Variants in TNFAIP8 observed in about 807,000 individuals in gnomAD.
TNFAIP8 encodes tumor necrosis factor alpha-induced protein 8.
Under a neutral mutation model 13.3 loss-of-function variants are expected in TNFAIP8, and 7 were observed. The ratio of observed to expected loss-of-function variants is 0.52; its 90% CI spans 0.30 to 0.99. The LOEUF is 0.99. TNFAIP8 is among the 50% of genes least tolerant of loss of function. The probability of loss-of-function intolerance (pLI) is 0.07; values close to 1 mark genes in which losing one functional copy is unlikely to be tolerated. For synonymous variants in TNFAIP8, 94 were observed against 87.6 expected (o/e 1.07, Z -0.41); for missense variants, 258 against 236.9 (o/e 1.09, Z -0.58).
intron 1 of TNFAIP8, among the ~76,000 whole-genome samples, chr5:119,322,702 A>G (rs1055205915): frequency 3.9e-5 from 6 of 152,018 alleles, no homozygotes; most frequent in Non-Finnish European, 2.9e-5. Context: ...CTCTTTGTCC[A>G]ATATCAAAAC....
At position 119,398,101 on chromosome 5, in the gene TNFAIP8, A is replaced by C. The variant is rs1307516186; in HGVS notation, c.*4720A>C. On this transcript the variant is annotated 3_prime_UTR_variant, in exon 2 of 2. Coordinates refer to ENST00000504771, the MANE Select transcript of TNFAIP8 (RefSeq NM_014350.4). The stretch of plus-strand genomic sequence containing the variant: ...GGATAGAGAATTGTGCCCTATGTCC[A>C]CCAAATTTGCATGAGATCTTTATAA... The C allele has an allele frequency of 6.6e-6, 1 of 152,176 alleles. No homozygotes were observed. The highest frequency in any genetic ancestry group is 6.5e-5 in the Admixed American group (1 of 15,282). 9.4% of individuals were successfully genotyped at this position (152,176 alleles called of 1,614,324 possible). A position where few individuals can be genotyped will look rare whatever the true frequency, so the allele number is the denominator to read the frequency against.
chr5:119,338,203 CACACACA>C (rs1562006794), intron 1 of TNFAIP8, among the ~76,000 whole-genome samples: 92 of 149,244 alleles, frequency 6.2e-4, no homozygotes, highest in African/African-American at 2.2e-3. Context: ...CACACACACA[CACACACA>C]CCTTCTCAGC....
At chr5:119,373,761 A>G (rs1752175577) in intron 1 of TNFAIP8, among the ~76,000 whole-genome samples, 1 of 152,200 alleles carries the variant, frequency 6.6e-6, no homozygotes, top group Non-Finnish European at 1.5e-5. Flanking sequence ...GTATTAAATC[A>G]TCTTCAGTCA....
At chr5:119,372,628 T>C (rs542082144) in intron 1 of TNFAIP8, among the ~76,000 whole-genome samples, 144 of 152,318 alleles carry the variant, frequency 9.5e-4, no homozygotes, top group Non-Finnish European at 1.5e-3. Context: ...AAAATACAAG[T>C]TGACCATCAT....
At chr5:119,386,743 T>C (rs1752692033) in intron 1 of TNFAIP8, among the ~76,000 whole-genome samples, 1 of 152,168 alleles carries the variant, frequency 6.6e-6, no homozygotes, top group South Asian at 2.1e-4. Context: ...CCGTATCAGG[T>C]TAAGGACTTC....
chr5:119,342,209 C>T (rs1750760790), intron 1 of TNFAIP8, among the ~76,000 whole-genome samples: 2 of 152,190 alleles, frequency 1.3e-5, no homozygotes, highest in Admixed American at 1.3e-4. Context: ...ATAGTATTTC[C>T]TGTACTGCTA....
At chr5:119,359,865 G>A (rs559985640) in intron 1 of TNFAIP8, among the ~76,000 whole-genome samples, 1 of 152,346 alleles carries the variant, frequency 6.6e-6, no homozygotes, top group African/African-American at 2.4e-5. Flanking sequence ...AAAAGGTACA[G>A]CATATGCTCT....
At chr5:119,379,723 T>C (rs1341099580) in intron 1 of TNFAIP8, among the ~76,000 whole-genome samples, 2 of 152,156 alleles carry the variant, frequency 1.3e-5, no homozygotes, top group South Asian at 2.1e-4. Context: ...CTTGAGTAGC[T>C]GGGACCATAA....
chr5:119,286,738 C>A (rs1203847161), intron 1 of TNFAIP8, among the ~76,000 whole-genome samples: 3 of 152,160 alleles, frequency 2.0e-5, no homozygotes, highest in African/African-American at 7.2e-5. Flanking sequence ...CTGCCATGCC[C>A]CAGTCACAGT....
At chr5:119,364,693 G>A (rs1751764602) in intron 1 of TNFAIP8, among the ~76,000 whole-genome samples, 1 of 151,886 alleles carries the variant, frequency 6.6e-6, no homozygotes, top group Admixed American at 6.6e-5. Flanking sequence ...GAGAGCTCTA[G>A]CCAGGAGCTA....
At chr5:119,311,521 C>G (rs1056860527) in intron 1 of TNFAIP8, among the ~76,000 whole-genome samples, 3 of 151,578 alleles carry the variant, frequency 2.0e-5, no homozygotes, top group African/African-American at 7.3e-5. Flanking sequence ...GAAACCCCGT[C>G]TCTACTAAAA....
chr5:119,380,235 A>G (rs1047677391), intron 1 of TNFAIP8, among the ~76,000 whole-genome samples: 7 of 152,148 alleles, frequency 4.6e-5, no homozygotes, highest in Non-Finnish European at 8.8e-5. Context: ...GTAGAGTACT[A>G]TACAAAAATC....
chr5:119,363,858 C>G (rs1299572959), intron 1 of TNFAIP8, among the ~76,000 whole-genome samples: 1 of 152,192 alleles, frequency 6.6e-6, no homozygotes, highest in East Asian at 1.9e-4. Context: ...TACTTTTGAC[C>G]AACTGGGTAT....
intron 1 of TNFAIP8, among the ~76,000 whole-genome samples, chr5:119,331,915 C>G (rs7704386): frequency 0.089 from 13,611 of 152,192 alleles, 664 homozygotes; most frequent in African/African-American, 0.14. Flanking sequence ...TCACAGCCTG[C>G]GAAGTCCTTG....
At chr5:119,313,161 C>A (rs2112674608) in intron 1 of TNFAIP8, among the ~76,000 whole-genome samples, 1 of 152,298 alleles carries the variant, frequency 6.6e-6, no homozygotes, top group Admixed American at 6.5e-5. Flanking sequence ...TAAGAGTGGT[C>A]AGCTTCGTAT....
At chr5:119,281,395 G>A (rs530433481) in intron 1 of TNFAIP8, among the ~76,000 whole-genome samples, 2 of 151,338 alleles carry the variant, frequency 1.3e-5, no homozygotes, top group Non-Finnish European at 2.9e-5. Flanking sequence ...TCCAATTAAA[G>A]TTCAAGACTA....
intron 1 of TNFAIP8, among the ~76,000 whole-genome samples, chr5:119,318,904 C>G (rs752195657): frequency 1.3e-5 from 2 of 152,146 alleles, no homozygotes; most frequent in Non-Finnish European, 2.9e-5. Flanking sequence ...GTTTGGGTCC[C>G]TTTCACTTCC....
At chr5:119,374,998 A>C (rs1269986626) in intron 1 of TNFAIP8, among the ~76,000 whole-genome samples, 2 of 152,192 alleles carry the variant, frequency 1.3e-5, no homozygotes, top group Non-Finnish European at 2.9e-5. Context: ...AGTAAAAACC[A>C]CTGAATTGTA....
chr5:119,377,513 A>G (rs930741859), intron 1 of TNFAIP8, among the ~76,000 whole-genome samples: 15 of 140,326 alleles, frequency 1.1e-4, no homozygotes, highest in African/African-American at 4.0e-4. Flanking sequence ...CCAAACTGGT[A>G]TGGAGAATCC....
Sources: gnomAD v4.1 joint callset for allele counts (sites outside exome capture counted in the v4.1 genomes callset) on GRCh38, gnomAD v4.1.1 for gene constraint, MANE v1.5 for transcripts, NCBI Gene and HGNC (gene_info 2026-07-23, HGNC 2026-07-21) for gene names.